ZNF430: variants seen among roughly 807,000 people sequenced by gnomAD.
ZNF430 encodes zinc finger protein 430.
A neutral mutation model predicts 56.7 loss-of-function variants in ZNF430; 35 were observed. The observed-to-expected ratio is 0.62, with a 90% confidence interval of 0.47 to 0.82. The LOEUF (loss-of-function observed/expected upper bound fraction) is 0.82. ZNF430 is among the 40% of genes least tolerant of loss of function. The pLI is 0.00. For synonymous variants in ZNF430, 212 were observed against 224.3 expected (o/e 0.94, Z 0.49); for missense variants, 574 against 661.0 (o/e 0.87, Z 1.44).
chr19:21,039,610 G>C (rs1175331917), intron 4 of ZNF430, among the ~76,000 whole-genome samples: 1 of 151,596 alleles, frequency 6.6e-6, no homozygotes, highest in African/African-American at 2.4e-5. Context: ...GGGATTACAG[G>C]CACCCACCAT....
intron 2 of ZNF430, among the ~76,000 whole-genome samples, chr19:21,023,397 T>C (rs1409295624): frequency 2.0e-5 from 3 of 152,214 alleles, no homozygotes; most frequent in Non-Finnish European, 4.4e-5. Flanking sequence ...TAAATTCTAT[T>C]AGTAGGGCTT....
chr19:21,034,945 A>C (rs1967971615), intron 4 of ZNF430: 1 of 152,058 alleles, frequency 6.6e-6, no homozygotes, highest in Non-Finnish European at 1.5e-5. Flanking sequence ...TGCACACTCC[A>C]TTCTGTTCTT....
At chr19:21,038,433 T>C (rs1283578547) in intron 4 of ZNF430, among the ~76,000 whole-genome samples, 1 of 152,172 alleles carries the variant, frequency 6.6e-6, no homozygotes, top group Non-Finnish European at 1.5e-5. Flanking sequence ...TCTAATTTTT[T>C]ATTATTATTT....
chr19:21,033,614 A>T, intron 3 of ZNF430, 32 bp downstream of exon 3: 1 of 1,576,914 alleles, frequency 6.3e-7, no homozygotes, highest in Non-Finnish European at 8.6e-7. Context: ...AATTACTAGT[A>T]TACCCTAAAG....
At position 21,056,946 on chromosome 19, in the gene ZNF430, C is replaced by T. The variant is rs776882876; in HGVS notation, c.638C>T (p.Ser213Leu). ...TTCAAATGTAAAAAATGTGACAAAT[C>T]GTTTTGCATGCTTTTACACCTAACT... ...KPFKCKKCDKSFCMLLHLTQH... is the reference protein window; with the variant it reads ...KPFKCKKCDKLFCMLLHLTQH... The change falls in exon 5 of 5, where the codon TCG becomes TTG. Residue 213 changes from serine to leucine, a missense_variant. Physicochemically the swap from Ser to Leu is moderately radical, Grantham distance 145 (BLOSUM62 -2). This residue lies in a region of ZNF430 where 346 missense variants were observed against 399.1 expected (regional missense o/e 0.87). Transcript: ENST00000261560. 9.3e-6 allele frequency: 15 copies of T among 1,613,412 alleles called. No homozygotes were observed. Among genetic ancestry groups the T allele is most frequent in the South Asian group, 6.6e-5 (6 of 90,926 alleles).
chr19:21,037,407 A>G (rs1190064282), intron 4 of ZNF430, among the ~76,000 whole-genome samples: 3 of 152,100 alleles, frequency 2.0e-5, no homozygotes, highest in African/African-American at 7.2e-5. Flanking sequence ...TGTGAGTCAC[A>G]CGCTTGGCAA....
In ZNF430 at chr19:21,044,253, T is replaced by G. The variant is rs900985577; in HGVS notation, c.322+10069T>G. On this transcript the variant is annotated intron_variant, in intron 4 of 4. Transcript: ENST00000261560. Reference sequence around the variant, plus strand: ...TGACTCTTATTATTTTGAGGTATGTTCCATAAATACCTAGTTTATTGAGCA... The same window carrying G: ...TGACTCTTATTATTTTGAGGTATGTGCCATAAATACCTAGTTTATTGAGCA... 2.0e-5 allele frequency among the ~76,000 whole-genome samples: 3 copies of G among 152,116 alleles called. No homozygotes were observed. The East Asian group carries it at 5.8e-4, about 29-fold the overall frequency.
intron 2 of ZNF430, among the ~76,000 whole-genome samples, chr19:21,023,264 G>A (rs2144746626): frequency 6.6e-6 from 1 of 152,266 alleles, no homozygotes; most frequent in Non-Finnish European, 1.5e-5. Flanking sequence ...TGTTTGAAGT[G>A]ATTGAATGGC....
chr19:21,058,024 A>G lies in ZNF430; in HGVS notation c.*3A>G. On this transcript the variant is annotated 3_prime_UTR_variant, in exon 5 of 5. Transcript: ENST00000261560. The stretch of plus-strand genomic sequence containing the variant: ...GGAGAGAAACCCTACAAATGTGAAG[A>G]TTGTGGCAAAGCCTCTAACCCGTCC... The G allele has an allele frequency of 6.2e-7, 1 of 1,609,728 alleles. No homozygotes were observed. Among genetic ancestry groups the G allele is most frequent in the Non-Finnish European group, 8.5e-7 (1 of 1,178,296 alleles).
Position 21,031,786 on chromosome 19 carries a change from G to A in ZNF430, c.97-1670G>A, listed in dbSNP as rs964023868. Among the ~76,000 whole-genome samples, 142 of 152,274 alleles carry A rather than the reference G, an allele frequency of 9.3e-4. 1 individual carries two copies. Among genetic ancestry groups the A allele is most frequent in the African/African-American group, 3.3e-3 (137 of 41,558 alleles). On this transcript the variant is annotated intron_variant, in intron 2 of 4. Coordinates refer to ENST00000261560, the MANE Select transcript of ZNF430 (RefSeq NM_025189.4). ...ACGTGTCTCAGAAGAAGAGCTGTGT[G>A]CACTCTGCTTCATGGAATGCCATGT...
Position 21,057,662 on chromosome 19 carries a change from A to T in ZNF430, c.1354A>T (p.Thr452Ser), listed in dbSNP as rs774211034. Residue 452 changes from threonine (T) to serine (S), a missense_variant, in exon 5 of 5, where the codon ACT becomes TCT. Thr to Ser is a moderately conservative substitution (Grantham distance 58). This residue lies in a region of ZNF430 where 213 missense variants were observed against 221.0 expected (regional missense o/e 0.96). Transcript: ENST00000261560. Reference sequence around the variant, plus strand: ...CCTTACTGCACATAAGATAATTCATACTGGAGAGAAACCCTACAAATGTGA... The same window carrying T: ...CCTTACTGCACATAAGATAATTCATTCTGGAGAGAAACCCTACAAATGTGA... ...SNLTAHKIIH[T>S]GEKPYKCEEC... The T allele has an allele frequency of 3.7e-6, 6 of 1,612,206 alleles. No individual in the cohort carries two copies. Among genetic ancestry groups the T allele is most frequent in the Middle Eastern group, 3.3e-4 (2 of 6,056 alleles).
intron 4 of ZNF430, among the ~76,000 whole-genome samples, chr19:21,049,173 C>A (rs1403495341): frequency 2.7e-3 from 178 of 65,214 alleles, no homozygotes; most frequent in African/African-American, 7.4e-3. Context: ...GACTCCATCT[C>A]AAAAAAAAAA....
intron 4 of ZNF430, among the ~76,000 whole-genome samples, chr19:21,045,046 T>C (rs533013353): frequency 3.3e-5 from 5 of 152,334 alleles, no homozygotes; most frequent in African/African-American, 1.2e-4. Flanking sequence ...ATTGGTTTTT[T>C]GAAGGGTTTT....
At chr19:21,025,575 C>T (rs886099212) in intron 2 of ZNF430, among the ~76,000 whole-genome samples, 1 of 151,890 alleles carries the variant, frequency 6.6e-6, no homozygotes, top group Non-Finnish European at 1.5e-5. Flanking sequence ...ATTCAATACA[C>T]CTCTGACATT....
intron 4 of ZNF430, among the ~76,000 whole-genome samples, chr19:21,043,892 CTTG>C (rs1968147510): frequency 6.6e-6 from 1 of 151,316 alleles, no homozygotes; most frequent in Admixed American, 6.6e-5. Context: ...TGGCTCTCTG[CTTG>C]TTTACTGTTA....
At chr19:21,054,631 T>C (rs1190352023) in intron 4 of ZNF430, among the ~76,000 whole-genome samples, 3 of 151,532 alleles carry the variant, frequency 2.0e-5, no homozygotes, top group Non-Finnish European at 2.9e-5. Flanking sequence ...TCTTTGTGTG[T>C]ATCCTAGTTT....
chr19:21,056,263 C>T (rs779457662), intron 4 of ZNF430, among the ~76,000 whole-genome samples: 21 of 152,100 alleles, frequency 1.4e-4, no homozygotes, highest in African/African-American at 7.2e-5. Context: ...CTGAAGTGGA[C>T]GCATCATCTG....
intron 2 of ZNF430, among the ~76,000 whole-genome samples, chr19:21,033,159 A>T (rs780617051): frequency 6.6e-6 from 1 of 152,132 alleles, no homozygotes; most frequent in South Asian, 2.1e-4. Flanking sequence ...GTTCGTGACC[A>T]GCCTGACCAA....
chr19:21,054,969 CG>C (rs1254259853), intron 4 of ZNF430, among the ~76,000 whole-genome samples: 3 of 151,852 alleles, frequency 2.0e-5, no homozygotes, highest in African/African-American at 7.3e-5. Flanking sequence ...CCACCGCGCC[CG>C]GCCGTCATTT....
Sources: gnomAD v4.1 joint callset for allele counts (sites outside exome capture counted in the v4.1 genomes callset) on GRCh38, gnomAD v4.1.1 for gene constraint, gnomAD v4.1.1 regional missense constraint, MANE v1.5 for transcripts, NCBI Gene and HGNC (gene_info 2026-07-23, HGNC 2026-07-21) for gene names.